CPLANE1: variants seen among roughly 807,000 people sequenced by gnomAD.
The protein encoded by CPLANE1 is ciliogenesis and planar polarity effector complex subunit 1, also known as ciliogenesis and planar polarity effector 1.
Under a neutral mutation model 362.5 loss-of-function variants are expected in CPLANE1, and 263 were observed. That is an observed-to-expected ratio of 0.73 (90% CI 0.66 to 0.80). The LOEUF is 0.80. Among genes scored for constraint, CPLANE1 ranks in the 30% least tolerant of loss-of-function variants. The pLI, the probability that CPLANE1 is intolerant of heterozygous loss-of-function variation, is 0.00. For missense variants in CPLANE1, 3,461 were observed against 3,793.4 expected (o/e 0.91, Z 2.30); for synonymous variants, 1,212 against 1,302.6 (o/e 0.93, Z 1.50).
intron 39 of CPLANE1, 71 bp from the exon 40 acceptor site, chr5:37,157,939 A>G: frequency 1.3e-6 from 1 of 764,692 alleles, no homozygotes; most frequent in Non-Finnish European, 1.9e-6. Flanking sequence ...CGCCAAAAAA[A>G]AAAAAAAAAA....
intron 32 of CPLANE1, among the ~76,000 whole-genome samples, chr5:37,170,633 G>T (rs1032187366): frequency 3.9e-5 from 6 of 152,102 alleles, no homozygotes; most frequent in African/African-American, 1.2e-4. Context: ...AAAGGAGTGG[G>T]ATAAAGACAG....
chr5:37,180,271 T>A (rs1038131975), intron 27 of CPLANE1, 88 bp from the exon 28 acceptor site: 13 of 823,794 alleles, frequency 1.6e-5, no homozygotes, highest in African/African-American at 8.9e-5. Flanking sequence ...TTTTTTTTTT[T>A]AAGATGGAGT....
chr5:37,211,544 C>T (rs769400856), intron 16 of CPLANE1: 27 of 1,233,416 alleles, frequency 2.2e-5, no homozygotes, highest in Non-Finnish European at 2.8e-5. Context: ...CAAGGCTATG[C>T]GGGGGCACTT....
chr5:37,231,356 G>A (rs1233590237), intron 8 of CPLANE1, among the ~76,000 whole-genome samples: 1 of 152,186 alleles, frequency 6.6e-6, no homozygotes, highest in African/African-American at 2.4e-5. Context: ...GAGGCAGGCG[G>A]ATCAACTGAG....
Position 37,180,017 on chromosome 5 carries a change from C to T in CPLANE1, c.5737G>A (p.Glu1913Lys). ...EMDMHISDYEEDIEESVGGFR... is the reference protein window; with the variant it reads ...EMDMHISDYEKDIEESVGGFR... The stretch of plus-strand genomic sequence containing the variant: ...AAATAGATTATCTAAATGAACTGAC[C>T]TTCATAGTCTGATATGTGCATATCC... Residue 1913 changes from glutamate (E) to lysine (K), a missense_variant and splice_region_variant, in exon 28 of 53, where the codon GAA (glutamate) becomes AAA (lysine). This residue lies in a region of CPLANE1 where 3,380 missense variants were observed against 3,666.1 expected (regional missense o/e 0.92). Transcript: ENST00000651892. 6.5e-7 allele frequency: 1 copy of T among 1,532,062 alleles called. No individual in the cohort carries two copies. The highest frequency in any genetic ancestry group is 8.7e-7 in the Non-Finnish European group (1 of 1,144,168). The allele number at this position is 1,532,062 out of a possible 1,614,324, so 94.9% of individuals were successfully genotyped here. A position where few individuals can be genotyped will look rare whatever the true frequency, so the allele number is the denominator to read the frequency against.
chr5:37,227,886 C>A, intron 9 of CPLANE1, 69 bp from the exon 10 acceptor site: 19 of 1,387,328 alleles, frequency 1.4e-5, no homozygotes, highest in South Asian at 6.3e-5. Flanking sequence ...TAATGTTTTT[C>A]AAAAAAGAAG....
intron 42 of CPLANE1, among the ~76,000 whole-genome samples, chr5:37,151,137 T>TG (rs1225346166): frequency 6.6e-6 from 1 of 152,222 alleles, no homozygotes; most frequent in Non-Finnish European, 1.5e-5. Flanking sequence ...CTACCTCTAC[T>TG]GCCAGATGTC....
chr5:37,081,300 A>T, the CPLANE1 span, among the ~76,000 whole-genome samples: 1 of 152,290 alleles, frequency 6.6e-6, no homozygotes, highest in African/African-American at 2.4e-5. Flanking sequence ...GTGTTTACAG[A>T]ATTAAAGGAA....
intron 21 of CPLANE1, among the ~76,000 whole-genome samples, chr5:37,191,122 CAG>C (rs1469943350): frequency 6.6e-6 from 1 of 151,772 alleles, no homozygotes; most frequent in Non-Finnish European, 1.5e-5. Flanking sequence ...AGGTGGAGGA[CAG>C]AGAGATTGAT....
intron 51 of CPLANE1, among the ~76,000 whole-genome samples, chr5:37,111,831 C>G (rs1759431249): frequency 6.6e-6 from 1 of 151,416 alleles, no homozygotes; most frequent in African/African-American, 2.4e-5. Flanking sequence ...TTTTGAAAAA[C>G]CATATAAAGG....
intron 51 of CPLANE1, among the ~76,000 whole-genome samples, chr5:37,114,102 C>T (rs188826889): frequency 2.2e-4 from 34 of 152,174 alleles, no homozygotes; most frequent in South Asian, 6.2e-4. Context: ...TGAGCCACCG[C>T]GCCCAGCCAA....
At chr5:37,094,619 A>G in the CPLANE1 span, among the ~76,000 whole-genome samples, 1 of 152,222 alleles carries the variant, frequency 6.6e-6, no homozygotes, top group East Asian at 1.9e-4. Flanking sequence ...AACAAAAAAC[A>G]ACACAAATGA....
chr5:37,226,869 G>C lies in CPLANE1; in HGVS notation c.1726C>G (p.Leu576Val). Reference sequence around the variant, plus strand: ...ATTCCTATAGTCCACGCTGCAAGTAGACTTTTCTGGATAGAATGCAGTTCT... The same window carrying C: ...ATTCCTATAGTCCACGCTGCAAGTACACTTTTCTGGATAGAATGCAGTTCT... Reference protein sequence around the residue: ...ITELHSIQKSLLAAWTIGISK... With the variant: ...ITELHSIQKSVLAAWTIGISK... Residue 576 changes from leucine to valine, a missense_variant, in exon 12 of 53, where the codon CTA becomes GTA. Transcript: ENST00000651892. 5 of 1,551,340 alleles carry C rather than the reference G, an allele frequency of 3.2e-6. No homozygotes were observed. The highest frequency in any genetic ancestry group is 4.4e-6 in the Non-Finnish European group (5 of 1,146,888).
In CPLANE1 at chr5:37,114,945, T is replaced by C; in HGVS notation, c.9400+15A>G. The C allele has an allele frequency of 6.6e-7, 1 of 1,511,004 alleles. No homozygotes were observed. The highest frequency in any genetic ancestry group is 9.1e-7 in the Non-Finnish European group (1 of 1,098,396). The allele number at this position is 1,511,004 out of a possible 1,614,324, so 93.6% of individuals were successfully genotyped here. A position where few individuals can be genotyped will look rare whatever the true frequency, so the allele number is the denominator to read the frequency against. ...CAGTATTAAGTCTAAAAACTTTATCTTCTTTATCCCTTACCTTTTTGGAAG... is the reference window on the plus strand; with the variant it reads ...CAGTATTAAGTCTAAAAACTTTATCCTCTTTATCCCTTACCTTTTTGGAAG... On this transcript the variant is annotated intron_variant, in intron 51 of 52. Transcript: ENST00000651892.
At chr5:37,085,879 C>A in the CPLANE1 span, 5 of 921,658 alleles carry the variant, frequency 5.4e-6, no homozygotes, top group African/African-American at 1.7e-5. Context: ...CGTGTTAAAT[C>A]TTTGTACATA....
the CPLANE1 span, among the ~76,000 whole-genome samples, chr5:37,090,337 C>T: frequency 1.3e-5 from 2 of 152,132 alleles, no homozygotes; most frequent in African/African-American, 2.4e-5. Context: ...TGCCACATAC[C>T]GGGACTAAAA....
At chr5:37,240,896 A>C (rs547408423) in intron 6 of CPLANE1, among the ~76,000 whole-genome samples, 86 of 152,184 alleles carry the variant, frequency 5.7e-4, no homozygotes, top group Non-Finnish European at 1.1e-3. Context: ...ATAATGCCAA[A>C]TATTTTTAAA....
At chr5:37,203,282 G>C (rs746531602) in intron 18 of CPLANE1, among the ~76,000 whole-genome samples, 1 of 151,992 alleles carries the variant, frequency 6.6e-6, no homozygotes, top group African/African-American at 2.4e-5. Context: ...GGAATCATAC[G>C]GTATGTAGTC....
chr5:37,210,853 A>C (rs1580768070), intron 16 of CPLANE1: 1 of 840,138 alleles, frequency 1.2e-6, no homozygotes, highest in East Asian at 2.4e-5. Context: ...GTGGTTGAGC[A>C]TGAGGAGTTC....
Sources: allele counts gnomAD v4.1 joint callset (sites outside exome capture counted in the v4.1 genomes callset), GRCh38; gene constraint gnomAD v4.1.1; regional missense constraint gnomAD v4.1.1; transcripts MANE v1.5; gene names NCBI Gene and HGNC (gene_info 2026-07-23, HGNC 2026-07-21).